C12orf42: variants seen among roughly 807,000 people sequenced by gnomAD.
C12orf42 encodes the protein chromosome 12 open reading frame 42, also known as uncharacterized protein C12orf42.
A neutral mutation model predicts 21.6 loss-of-function variants in C12orf42; 25 were observed. That is an observed-to-expected ratio of 1.16 (90% CI 0.84 to 1.62). The LOEUF (loss-of-function observed/expected upper bound fraction) is 1.62. Among genes scored for constraint, C12orf42 ranks in the 40% most tolerant of loss-of-function variants. The pLI is 0.00. For missense variants in C12orf42, 483 were observed against 459.3 expected (o/e 1.05, Z -0.47); for synonymous variants, 174 against 175.0 (o/e 0.99, Z 0.05).
At chr12:103,447,742 G>A (rs946345731) in intron 2 of C12orf42, among the ~76,000 whole-genome samples, 1 of 151,966 alleles carries the variant, frequency 6.6e-6, no homozygotes, top group Middle Eastern at 3.4e-3. Context: ...TAATCAAGGA[G>A]GTGAAAGACC....
chr12:103,349,583 C>G (rs149313782), intron 4 of C12orf42, among the ~76,000 whole-genome samples: 3 of 152,178 alleles, frequency 2.0e-5, no homozygotes, highest in African/African-American at 7.2e-5. Flanking sequence ...TACTTTTCAT[C>G]TCTTTTTTTT....
At chr12:103,109,880 T>C in the C12orf42 span, among the ~76,000 whole-genome samples, 7,516 of 152,156 alleles carry the variant, frequency 0.049, 344 homozygotes, top group East Asian at 0.23. Flanking sequence ...ATGTCCACAA[T>C]GAAATGGTTA....
chr12:103,256,111 TACACACAC>T (rs199952822), intron 10 of C12orf42, among the ~76,000 whole-genome samples: 1,147 of 33,836 alleles, frequency 0.034, 15 homozygotes, highest in Middle Eastern at 0.077. Context: ...TATATATATA[TACACACAC>T]ACACACACAC....
chr12:103,352,064 A>G (rs1053007812), intron 4 of C12orf42, among the ~76,000 whole-genome samples: 2 of 151,382 alleles, frequency 1.3e-5, no homozygotes, highest in African/African-American at 2.4e-5. Flanking sequence ...CCCAGCTACC[A>G]CCACAAGCTC....
chr12:103,362,686 G>C (rs952648098), intron 4 of C12orf42, among the ~76,000 whole-genome samples: 4 of 152,082 alleles, frequency 2.6e-5, no homozygotes, highest in East Asian at 1.9e-4. Flanking sequence ...GACACACTTA[G>C]AGAAATGCAA....
At chr12:103,314,427 A>C (rs2136700212) in intron 4 of C12orf42, among the ~76,000 whole-genome samples, 1 of 152,356 alleles carries the variant, frequency 6.6e-6, no homozygotes, top group Middle Eastern at 3.4e-3. Flanking sequence ...CTAGAGCAGA[A>C]GCCTCTGGAA....
intron 10 of C12orf42, among the ~76,000 whole-genome samples, chr12:103,242,637 C>T (rs543813732): frequency 5.5e-4 from 83 of 152,124 alleles, no homozygotes; most frequent in African/African-American, 1.9e-3. Flanking sequence ...AAATAAGCAT[C>T]AGATGTGCAC....
downstream of C12orf42, among the ~76,000 whole-genome samples, chr12:103,266,826 A>C (rs1428446911): frequency 6.6e-6 from 1 of 152,154 alleles, no homozygotes; most frequent in Non-Finnish European, 1.5e-5. Flanking sequence ...CAGGTGTCAC[A>C]CTATCAAACA....
chr12:103,322,123 GCGCA>G (rs781311850), intron 4 of C12orf42, among the ~76,000 whole-genome samples: 4,420 of 119,140 alleles, frequency 0.037, 139 homozygotes, highest in African/African-American at 0.1. Flanking sequence ...GCGCGCGCGC[GCGCA>G]CACACACACA....
intron 2 of C12orf42, among the ~76,000 whole-genome samples, chr12:103,454,277 C>T (rs561080557): frequency 6.2e-4 from 95 of 152,134 alleles, no homozygotes; most frequent in African/African-American, 2.2e-3. Flanking sequence ...CCTAGGAATG[C>T]CAGAATTTCA....
intron 2 of C12orf42, among the ~76,000 whole-genome samples, chr12:103,467,797 C>A (rs1183019947): frequency 6.6e-6 from 1 of 152,098 alleles, no homozygotes; most frequent in African/African-American, 2.4e-5. Context: ...ATTTGGGGAA[C>A]TTTCTGACAT....
chr12:103,138,347 T>C, the C12orf42 span, among the ~76,000 whole-genome samples: 1 of 152,188 alleles, frequency 6.6e-6, no homozygotes, highest in Non-Finnish European at 1.5e-5. Context: ...GTTCTTGTGA[T>C]AGTGAGTGAG....
the C12orf42 span, among the ~76,000 whole-genome samples, chr12:103,133,399 TA>T: frequency 6.6e-5 from 10 of 152,140 alleles, no homozygotes; most frequent in African/African-American, 2.4e-4. Context: ...CCCAAAAATC[TA>T]TCCCCTTGGA....
At chr12:103,178,920 G>T in the C12orf42 span, among the ~76,000 whole-genome samples, 2 of 152,116 alleles carry the variant, frequency 1.3e-5, no homozygotes, top group African/African-American at 4.8e-5. Flanking sequence ...GAAATGACTC[G>T]CCGAGTGTTT....
intron 5 of C12orf42, among the ~76,000 whole-genome samples, chr12:103,304,376 T>A (rs1311741936): frequency 6.6e-6 from 1 of 152,112 alleles, no homozygotes; most frequent in Admixed American, 6.5e-5. Context: ...ATGAATAAAT[T>A]TTAAGTGCCA....
At chr12:103,532,345 A>G in the C12orf42 span, among the ~76,000 whole-genome samples, 8 of 152,240 alleles carry the variant, frequency 5.3e-5, no homozygotes, top group African/African-American at 1.9e-4. Context: ...CACTCTAGAT[A>G]CCAAAACTGT....
intron 4 of C12orf42, among the ~76,000 whole-genome samples, chr12:103,283,658 G>A (rs1176083517): frequency 6.6e-6 from 1 of 151,924 alleles, no homozygotes; most frequent in African/African-American, 2.4e-5. Context: ...CTTCCTTTGG[G>A]GCCTCTGACT....
intron 4 of C12orf42, 99 bp from the exon 5 acceptor site, chr12:103,306,444 T>C: frequency 7.2e-7 from 1 of 1,388,688 alleles, no homozygotes; most frequent in South Asian, 1.5e-5. Flanking sequence ...AACTTTTGGT[T>C]GTTTTGTGTT....
At position 103,347,387 on chromosome 12, in the gene C12orf42, T is replaced by A. The variant is rs187920029; in HGVS notation, c.259+21500A>T. Among the ~76,000 whole-genome samples, 608 of 152,272 alleles carry A rather than the reference T, an allele frequency of 4.0e-3. 4 individuals carry two copies. Among genetic ancestry groups the A allele is most frequent in the African/African-American group, 0.013 (551 of 41,554 alleles). ...TGTCCATGCAAAGGACATGAACTCATCCTTTTTTATGGCTGCATAGTATTC... is the reference window on the plus strand; with the variant it reads ...TGTCCATGCAAAGGACATGAACTCAACCTTTTTTATGGCTGCATAGTATTC... On this transcript the variant is annotated intron_variant, in intron 4 of 5. Coordinates refer to ENST00000548883, the MANE Select transcript of C12orf42 (RefSeq NM_198521.5).
Sources: gnomAD v4.1 joint callset for allele counts (sites outside exome capture counted in the v4.1 genomes callset) on GRCh38, gnomAD v4.1.1 for gene constraint, MANE v1.5 for transcripts, NCBI Gene and HGNC (gene_info 2026-07-23, HGNC 2026-07-21) for gene names.